VPS13A: variants seen among roughly 807,000 people sequenced by gnomAD.
The protein encoded by VPS13A is vacuolar protein sorting 13 homolog A.
VPS13A carries 264 observed loss-of-function variants against 390.9 expected under a neutral mutation model. The ratio of observed to expected loss-of-function variants is 0.68; its 90% confidence interval spans 0.61 to 0.75. VPS13A has a LOEUF of 0.75. Among genes scored for constraint, VPS13A ranks in the 30% least tolerant of loss-of-function variants. The pLI, the probability that VPS13A is intolerant of heterozygous loss-of-function variation, is 0.00. For synonymous variants in VPS13A, 1,231 were observed against 1,227.1 expected, an observed-to-expected ratio of 1.00 and a Z score of -0.07; for missense variants, 3,409 against 3,733.9, an observed-to-expected ratio of 0.91 and a Z score of 2.27.
At chr9:77,358,180 T>C (rs1315414971) in intron 56 of VPS13A, among the ~76,000 whole-genome samples, 177 bp from the exon 57 acceptor site, 2 of 151,956 alleles carry the variant, frequency 1.3e-5, no homozygotes, top group Non-Finnish European at 1.5e-5. Context: ...GGTCTCAAAC[T>C]CCTGACCCCA....
Position 77,190,449 on chromosome 9 carries a change from A to G in VPS13A, c.101-9496A>G, listed in dbSNP as rs1384817396. Among the ~76,000 whole-genome samples the G allele has an allele frequency of 2.6e-5, 4 of 152,204 alleles. No individual in the cohort carries two copies. In the South Asian group the frequency reaches 8.3e-4, roughly 32 times the overall value. ...TACCAGGAATAAAGTCTACTTGATC[A>G]TGGTAGATGTGCTGCTGGATTTGGT... On this transcript the variant is annotated intron_variant, in intron 1 of 71. Transcript: ENST00000360280.
chr9:77,341,212 C>T (rs1050990296), intron 50 of VPS13A, among the ~76,000 whole-genome samples: 5 of 152,094 alleles, frequency 3.3e-5, no homozygotes, highest in Non-Finnish European at 7.3e-5. Flanking sequence ...AGAAAAATCT[C>T]TCTGGCGGGA....
chr9:77,388,181 A>G (rs2148883), intron 68 of VPS13A, among the ~76,000 whole-genome samples: 37,183 of 152,122 alleles, frequency 0.24, 5,189 homozygotes, highest in African/African-American at 0.38. Context: ...GAAAATGTCA[A>G]TTTATTCCAG....
intron 42 of VPS13A, 69 bp from the exon 43 acceptor site, chr9:77,321,100 A>G (rs1252176780): frequency 7.2e-7 from 1 of 1,381,900 alleles, no homozygotes; most frequent in African/African-American, 1.4e-5. Context: ...TAATGTTGGT[A>G]TTGGGATTTG....
At position 77,308,095 on chromosome 9, in the gene VPS13A, G is replaced by T; in HGVS notation, c.4111G>T (p.Gly1371Ter). ...GVTTNASHHS[G>*]GATVVTAAVV... Reference sequence around the variant, plus strand: ...TACTACTAATGCTTCACACCATTCAGGAGGTATGTTTTTAACTTCAAATTT... The same window carrying T: ...TACTACTAATGCTTCACACCATTCATGAGGTATGTTTTTAACTTCAAATTT... Residue 1371 changes from glycine (G) to a stop codon, truncating the protein, a stop_gained, in exon 35 of 72, where the codon GGA (glycine) becomes TGA (stop). Coordinates refer to ENST00000360280, the MANE Select transcript of VPS13A (RefSeq NM_033305.3). LOFTEE classifies it high-confidence loss of function. The T allele has an allele frequency of 6.2e-7, 1 of 1,613,778 alleles. No individual in the cohort carries two copies. Among genetic ancestry groups the T allele is most frequent in the Non-Finnish European group, 8.5e-7 (1 of 1,179,856 alleles).
intron 9 of VPS13A, among the ~76,000 whole-genome samples, chr9:77,214,105 G>C (rs899400018): frequency 6.6e-6 from 1 of 151,830 alleles, no homozygotes; most frequent in Non-Finnish European, 1.5e-5. Flanking sequence ...TTAAAACCCT[G>C]TCTCTACTAA....
chr9:77,204,546 C>T lies in VPS13A; in HGVS notation c.188-767C>T, dbSNP rs575798219. 7.9e-5 allele frequency among the ~76,000 whole-genome samples: 12 copies of T among 152,118 alleles called. 1 individual carries two copies. The South Asian group carries it at 2.3e-3, about 29-fold the overall frequency. The stretch of plus-strand genomic sequence containing the variant: ...TTACCATATGTGTATATGTGAATTA[C>T]TATACATACATACATACGTATGTAA... On this transcript the variant is annotated intron_variant, in intron 3 of 71. Coordinates refer to ENST00000360280, the MANE Select transcript of VPS13A (RefSeq NM_033305.3).
At chr9:77,349,386 C>T (rs1217614695) in intron 52 of VPS13A, among the ~76,000 whole-genome samples, 8 of 151,912 alleles carry the variant, frequency 5.3e-5, no homozygotes, top group African/African-American at 1.2e-4. Context: ...TTTTGGTATA[C>T]AGATTGTTTC....
intron 1 of VPS13A, among the ~76,000 whole-genome samples, chr9:77,180,651 A>G (rs980933379): frequency 6.6e-6 from 1 of 152,208 alleles, no homozygotes; most frequent in East Asian, 1.9e-4. Flanking sequence ...TGTGGATGCA[A>G]ATATCCAATT....
At chr9:77,414,267 C>G (rs1283929535) in intron 71 of VPS13A, among the ~76,000 whole-genome samples, 9 of 152,166 alleles carry the variant, frequency 5.9e-5, no homozygotes, top group Non-Finnish European at 5.9e-5. Flanking sequence ...ATAAATCATG[C>G]TGCTATAAAG....
intron 1 of VPS13A, among the ~76,000 whole-genome samples, chr9:77,184,875 G>GGAAGCTCCCCACCACCTTACTTT (rs1824238135): frequency 6.6e-6 from 1 of 152,052 alleles, no homozygotes; most frequent in Non-Finnish European, 1.5e-5. Flanking sequence ...GGGAGGGCAT[G>GGAAGCTCCCCACCACCTTACTTT]GAAGCTCCCC....
At chr9:77,230,094 AT>A (rs1025288135) in intron 17 of VPS13A, among the ~76,000 whole-genome samples, 5 of 151,214 alleles carry the variant, frequency 3.3e-5, no homozygotes, top group African/African-American at 1.2e-4. Flanking sequence ...TGTCTATTAG[AT>A]TTTTTTTCCT....
intron 67 of VPS13A, among the ~76,000 whole-genome samples, chr9:77,371,773 C>T (rs1198477722): frequency 6.8e-6 from 1 of 147,808 alleles, no homozygotes; most frequent in African/African-American, 2.5e-5. Context: ...CGTCATCTAG[C>T]ATTAGGTATA....
At position 77,390,014 on chromosome 9, in the gene VPS13A, G is replaced by A. The variant is rs144729743; in HGVS notation, c.9189+7927G>A. 2.0e-5 allele frequency: 18 copies of A among 922,758 alleles called. No homozygotes were observed. The East Asian group carries it at 4.7e-4, about 24-fold the overall frequency. The allele number at this position is 922,758 out of a possible 1,614,324, so 57.2% of individuals were successfully genotyped here. A position where few individuals can be genotyped will look rare whatever the true frequency, so the allele number is the denominator to read the frequency against. On this transcript the variant is annotated intron_variant, in intron 68 of 71. Transcript: ENST00000360280. ...TAATAGCAATTGGAAGATAACTGCC[G>A]TCAGCCGACGTGGTCTTTCCCTTTA... is the stretch of plus-strand genomic sequence containing the variant.
At chr9:77,203,519 C>T (rs980351208) in intron 3 of VPS13A, among the ~76,000 whole-genome samples, 9 of 152,152 alleles carry the variant, frequency 5.9e-5, no homozygotes, top group African/African-American at 2.2e-4. Context: ...AACTCCTGGA[C>T]TCAAGGGATC....
Position 77,288,456 on chromosome 9 carries a change from A to G in VPS13A, c.3339+4806A>G, listed in dbSNP as rs180817891. 7.2e-5 allele frequency among the ~76,000 whole-genome samples: 11 copies of G among 152,172 alleles called. No individual in the cohort carries two copies. In the East Asian group the frequency reaches 1.9e-3, roughly 27 times the overall value. Reference sequence around the variant, plus strand: ...CTTTAGCTGCTTCCTGTAAGTTTTGATATGTCATATTTTTATTTTCATTCA... The same window carrying G: ...CTTTAGCTGCTTCCTGTAAGTTTTGGTATGTCATATTTTTATTTTCATTCA... On this transcript the variant is annotated intron_variant, in intron 31 of 71. Coordinates refer to ENST00000360280, the MANE Select transcript of VPS13A (RefSeq NM_033305.3).
intron 54 of VPS13A, 102 bp downstream of exon 54, chr9:77,353,743 T>A: frequency 8.3e-7 from 1 of 1,200,494 alleles, no homozygotes; most frequent in African/African-American, 1.5e-5. Flanking sequence ...GTTTTGTGCT[T>A]TGACTATTCA....
At chr9:77,249,757 A>G (rs142605078) in intron 20 of VPS13A, among the ~76,000 whole-genome samples, 30 of 152,358 alleles carry the variant, frequency 2.0e-4, no homozygotes, top group African/African-American at 7.0e-4. Context: ...CATGCCATAG[A>G]AACATTTTAT....
At chr9:77,353,865 C>T (rs1587644951) in intron 54 of VPS13A, among the ~76,000 whole-genome samples, 1 of 151,996 alleles carries the variant, frequency 6.6e-6, no homozygotes. Flanking sequence ...TTAATCCTTC[C>T]ACTTATCTAA....
Sources: gnomAD v4.1 joint callset for allele counts (sites outside exome capture counted in the v4.1 genomes callset) on GRCh38, gnomAD v4.1.1 for gene constraint, MANE v1.5 for transcripts, NCBI Gene and HGNC (gene_info 2026-07-23, HGNC 2026-07-21) for gene names.